Variants in SPATA13 observed in about 807,000 individuals in gnomAD.
The protein encoded by SPATA13 is spermatogenesis associated 13.
A neutral mutation model predicts 104.0 loss-of-function variants in SPATA13; 50 were observed. That is an observed-to-expected ratio of 0.48 (90% CI 0.38 to 0.61). The LOEUF is 0.61. SPATA13 is among the 20% of genes least tolerant of loss of function. The pLI, the probability that SPATA13 is intolerant of heterozygous loss-of-function variation, is 0.00. For synonymous variants in SPATA13, 606 were observed against 667.5 expected (o/e 0.91, Z 1.42); for missense variants, 1,524 against 1,690.6 (o/e 0.90, Z 1.73).
chr13:24,232,061 G>A (rs1872307856), intron 2 of SPATA13, among the ~76,000 whole-genome samples: 1 of 152,174 alleles, frequency 6.6e-6, no homozygotes, highest in African/African-American at 2.4e-5. Context: ...AGAACCAATA[G>A]GATACATATG....
upstream of SPATA13, among the ~76,000 whole-genome samples, chr13:24,159,006 G>A (rs1293634238): frequency 6.6e-6 from 1 of 152,158 alleles, no homozygotes; most frequent in African/African-American, 2.4e-5. Context: ...GTTAATAGTG[G>A]TTTCCAAGTA....
chr13:24,047,256 T>C (rs1378097634), intron 3 of SPATA13, among the ~76,000 whole-genome samples: 1 of 152,162 alleles, frequency 6.6e-6, no homozygotes, highest in Non-Finnish European at 1.5e-5. Flanking sequence ...ATAGGAACAA[T>C]TGGAAAAGTC....
At chr13:24,138,176 GT>G (rs1881634146) in intron 3 of SPATA13, among the ~76,000 whole-genome samples, 1 of 151,588 alleles carries the variant, frequency 6.6e-6, no homozygotes, top group East Asian at 1.9e-4. Flanking sequence ...GCGTGGTGAC[GT>G]GTGCCTGTAA....
chr13:24,105,314 TG>T (rs1370143094), intron 3 of SPATA13, among the ~76,000 whole-genome samples: 4 of 152,118 alleles, frequency 2.6e-5, no homozygotes, highest in South Asian at 2.1e-4. Context: ...TTTTGTATTT[TG>T]GGGGGTAGAG....
chr13:24,252,898 A>C (rs887710605), intron 4 of SPATA13: 7 of 152,234 alleles, frequency 4.6e-5, no homozygotes, highest in Non-Finnish European at 1.0e-4. Context: ...TGGCCATGGC[A>C]CTGTCCCAGG....
chr13:23,988,943 T>C (rs1875280840), intron 2 of SPATA13, among the ~76,000 whole-genome samples: 1 of 152,098 alleles, frequency 6.6e-6, no homozygotes, highest in Non-Finnish European at 1.5e-5. Context: ...AACAGGAGCT[T>C]TGTCTGAGAA....
At chr13:24,136,461 A>T (rs1487608357) in intron 3 of SPATA13, among the ~76,000 whole-genome samples, 1 of 152,034 alleles carries the variant, frequency 6.6e-6, no homozygotes, top group Non-Finnish European at 1.5e-5. Flanking sequence ...GGGTAACAAG[A>T]GTGAAACTTA....
intron 2 of SPATA13, among the ~76,000 whole-genome samples, chr13:23,988,095 C>T (rs1875239349): frequency 6.6e-6 from 1 of 152,076 alleles, no homozygotes; most frequent in Non-Finnish European, 1.5e-5. Flanking sequence ...AGGCACCTAC[C>T]ACCACGTCTG....
chr13:24,001,930 AC>A (rs1322496512), intron 2 of SPATA13, among the ~76,000 whole-genome samples: 2 of 151,626 alleles, frequency 1.3e-5, no homozygotes, highest in East Asian at 1.9e-4. Context: ...GATAAAGGGG[AC>A]ATGGGAGGTG....
At chr13:24,202,443 C>T (rs1054572822) in intron 1 of SPATA13, among the ~76,000 whole-genome samples, 5 of 151,358 alleles carry the variant, frequency 3.3e-5, no homozygotes, top group African/African-American at 4.9e-5. Context: ...TCTCCTGGAA[C>T]GAGTGTGTGC....
intron 3 of SPATA13, among the ~76,000 whole-genome samples, chr13:24,110,953 T>C (rs1416885949): frequency 6.6e-6 from 1 of 152,158 alleles, no homozygotes; most frequent in Non-Finnish European, 1.5e-5. Flanking sequence ...GGAGTCTTGC[T>C]CTTGACCAGG....
chr13:24,002,522 A>G (rs577479347), intron 2 of SPATA13, among the ~76,000 whole-genome samples: 2 of 152,276 alleles, frequency 1.3e-5, no homozygotes, highest in East Asian at 1.9e-4. Flanking sequence ...GGGAAACACC[A>G]GATCGGCCTC....
intron 3 of SPATA13, among the ~76,000 whole-genome samples, chr13:24,102,511 A>G (rs1489908841): frequency 2.2e-5 from 3 of 136,462 alleles, no homozygotes; most frequent in Non-Finnish European, 3.0e-5. Flanking sequence ...GTCTCACTCT[A>G]TCATCCAAGC....
At chr13:24,061,564 T>C (rs1326381202) in intron 3 of SPATA13, among the ~76,000 whole-genome samples, 1 of 152,218 alleles carries the variant, frequency 6.6e-6, no homozygotes, top group Non-Finnish European at 1.5e-5. Context: ...TTGTGTCTTT[T>C]ATAGGGACAT....
intron 9 of SPATA13, among the ~76,000 whole-genome samples, chr13:24,291,760 T>TTTA (rs926321119): frequency 1.3e-4 from 20 of 148,432 alleles, no homozygotes; most frequent in African/African-American, 3.2e-4. Context: ...TTTTTTATTT[T>TTTA]TTTTTTTGAG....
intron 3 of SPATA13, among the ~76,000 whole-genome samples, chr13:24,075,175 C>G (rs1879285861): frequency 6.6e-6 from 1 of 152,206 alleles, no homozygotes; most frequent in African/African-American, 2.4e-5. Context: ...CATCACAGCA[C>G]TATTTTAAAT....
At chr13:24,277,459 AAAAGAAG>A (rs764434221) in intron 4 of SPATA13, among the ~76,000 whole-genome samples, 1 of 138,826 alleles carries the variant, frequency 7.2e-6, no homozygotes, top group Non-Finnish European at 1.6e-5. Context: ...AAAAAAAAAA[AAAAGAAG>A]AAGTTCACCT....
chr13:24,287,096 A>C (rs1047734628), intron 7 of SPATA13, 146 bp downstream of exon 7: 4 of 673,398 alleles, frequency 5.9e-6, no homozygotes, highest in Non-Finnish European at 9.5e-6. Flanking sequence ...CTGCACTGCT[A>C]AGTCTGAGTG....
In SPATA13 at chr13:24,249,666, G is replaced by A; in HGVS notation, c.1843G>A (p.Glu615Lys). 2 of 1,614,226 alleles carry A rather than the reference G, an allele frequency of 1.2e-6. No individual in the cohort carries two copies. The highest frequency in any genetic ancestry group is 1.3e-5 in the African/African-American group (1 of 75,066). Residue 615 changes from glutamate (E) to lysine (K), a missense_variant, in exon 3 of 13, where the codon GAA becomes AAA. By Grantham distance (56) the Glu-to-Lys change is moderately conservative. Transcript: ENST00000382108. ...CTCGGTTGCTGCAGACCCCCAGAAG[G>A]AAGACCGTGTGGACGAGGACCCCCA... ...EDSVAADPQK[E>K]DRVDEDPQAS...
Sources: gnomAD v4.1 joint callset for allele counts (sites outside exome capture counted in the v4.1 genomes callset) on GRCh38, gnomAD v4.1.1 for gene constraint, MANE v1.5 for transcripts, NCBI Gene and HGNC (gene_info 2026-07-23, HGNC 2026-07-21) for gene names.